The following HTR2C variants were observed in gnomAD, a reference collection of about 807,000 sequenced individuals.
HTR2C encodes 5-hydroxytryptamine receptor 2C, also known as 5-hydroxytryptamine (serotonin) receptor 2C, G protein-coupled.
A neutral mutation model predicts 21.0 loss-of-function variants in HTR2C; 5 were observed. That is an observed-to-expected ratio of 0.24 (90% CI 0.12 to 0.50). The LOEUF (loss-of-function observed/expected upper bound fraction) is 0.50, where lower values mean the gene tolerates loss of function less well. Among genes scored for constraint, HTR2C ranks in the 20% least tolerant of loss-of-function variants. The pLI, the probability that HTR2C is intolerant of heterozygous loss-of-function variation, is 0.98. For synonymous variants in HTR2C, 150 were observed against 145.3 expected (o/e 1.03, Z -0.23); for missense variants, 271 against 371.2 (o/e 0.73, Z 2.22).
At chrX:114,723,471 C>T (rs782638747) in intron 2 of HTR2C, among the ~76,000 whole-genome samples, 210 of 110,866 alleles carry the variant, frequency 1.9e-3, no homozygotes, top group Non-Finnish European at 2.4e-3. Flanking sequence ...AACCAGCTCC[C>T]GGATTCAATA....
chrX:114,652,573 C>T, intron 2 of HTR2C: 1 of 304,964 alleles, frequency 3.3e-6, no homozygotes, highest in East Asian at 1.1e-4. Context: ...TATTATCAAA[C>T]TGAAAATTAT....
chrX:114,693,194 G>A (rs1171058357), intron 2 of HTR2C, among the ~76,000 whole-genome samples: 2 of 111,369 alleles, frequency 1.8e-5, no homozygotes, highest in African/African-American at 6.5e-5. Context: ...GTAAGATAGA[G>A]CAATAAAGGA....
intron 5 of HTR2C, among the ~76,000 whole-genome samples, chrX:114,860,120 A>G (rs2070995129): frequency 9.0e-6 from 1 of 111,639 alleles, no homozygotes; most frequent in Non-Finnish European, 1.9e-5. Context: ...TCAAAAGACT[A>G]TATATATTAT....
intron 2 of HTR2C, among the ~76,000 whole-genome samples, chrX:114,697,828 C>T (rs1317395080): frequency 3.6e-5 from 4 of 112,422 alleles, no homozygotes; most frequent in Non-Finnish European, 7.5e-5. Flanking sequence ...AACCTAGTAG[C>T]TTAAAACAAT....
intron 4 of HTR2C, among the ~76,000 whole-genome samples, chrX:114,800,643 T>A (rs1398003663): frequency 9.0e-6 from 1 of 111,394 alleles, no homozygotes; most frequent in Non-Finnish European, 1.9e-5. Context: ...ATCTCAGACA[T>A]CAGTAGCTGG....
intron 2 of HTR2C, among the ~76,000 whole-genome samples, chrX:114,678,098 A>G (rs782382848): frequency 9.0e-6 from 1 of 111,404 alleles, no homozygotes; most frequent in Admixed American, 9.6e-5. Context: ...GCTTTGAATT[A>G]TTTTTGGACC....
chrX:114,841,450 A>G (rs2070832405), intron 4 of HTR2C, among the ~76,000 whole-genome samples: 1 of 112,401 alleles, frequency 8.9e-6, no homozygotes, highest in South Asian at 3.6e-4. Context: ...GTTAAAAACA[A>G]CTTACTTGCG....
At chrX:114,789,212 T>C (rs28541311) in intron 4 of HTR2C, among the ~76,000 whole-genome samples, 7 of 112,290 alleles carry the variant, frequency 6.2e-5, no homozygotes, top group African/African-American at 2.3e-4. Context: ...ATTACCCTTT[T>C]GTGATAATTT....
intron 4 of HTR2C, among the ~76,000 whole-genome samples, chrX:114,766,862 G>A (rs1556435293): frequency 9.0e-6 from 1 of 111,031 alleles, no homozygotes; most frequent in African/African-American, 3.3e-5. Flanking sequence ...AAGACAAGCT[G>A]CTTACTCAAT....
chrX:114,878,791 A>G (rs2071158319), intron 5 of HTR2C, among the ~76,000 whole-genome samples: 2 of 110,847 alleles, frequency 1.8e-5, no homozygotes, highest in Admixed American at 9.7e-5. Flanking sequence ...GGCTATTTCC[A>G]GAATCTTTTG....
At chrX:114,700,864 C>T (rs927478500) in intron 2 of HTR2C, among the ~76,000 whole-genome samples, 7 of 112,504 alleles carry the variant, frequency 6.2e-5, no homozygotes, top group East Asian at 2.8e-4. Context: ...CCCAATACTG[C>T]GCTTTTCCGA....
At chrX:114,738,254 A>G (rs1294457554) in intron 4 of HTR2C, among the ~76,000 whole-genome samples, 1 of 111,543 alleles carries the variant, frequency 9.0e-6, no homozygotes, top group Non-Finnish European at 1.9e-5. Context: ...TGCATGCTTG[A>G]AATTGTTAAC....
At chrX:114,673,745 TA>T (rs782082548) in intron 2 of HTR2C, among the ~76,000 whole-genome samples, 1 of 111,337 alleles carries the variant, frequency 9.0e-6, no homozygotes, top group African/African-American at 3.3e-5. Context: ...TTTTTAAAAC[TA>T]TTTTTTTTCA....
intron 1 of HTR2C, among the ~76,000 whole-genome samples, chrX:114,602,964 A>G (rs782737984): frequency 0.015 from 1,433 of 92,695 alleles, no homozygotes; most frequent in African/African-American, 0.053. Context: ...GAGAGGTTCT[A>G]AGAGGCGGGC....
At position 114,588,143 on chromosome X, in the gene HTR2C, C is replaced by T. The variant is rs1262926063; in HGVS notation, c.-147+3484C>T. 3.6e-5 allele frequency among the ~76,000 whole-genome samples: 4 copies of T among 112,082 alleles called. No homozygotes were observed. The Admixed American group carries it at 3.8e-4, about 11-fold the overall frequency. ...ATTATAGCATTGTACATATAGCTGGCATTTGAAACAGTCATTCTTCTTAAT... is the reference window on the plus strand; with the variant it reads ...ATTATAGCATTGTACATATAGCTGGTATTTGAAACAGTCATTCTTCTTAAT... On this transcript the variant is annotated intron_variant, in intron 1 of 5. Coordinates refer to ENST00000276198, the MANE Select transcript of HTR2C (RefSeq NM_000868.4).
intron 2 of HTR2C, among the ~76,000 whole-genome samples, chrX:114,708,823 A>G (rs1556418803): frequency 9.1e-5 from 10 of 110,237 alleles, no homozygotes; most frequent in Non-Finnish European, 1.9e-4. Context: ...AAGTTTTATT[A>G]TTATTCAGCT....
chrX:114,728,722 G>C (rs2069507010), intron 3 of HTR2C, among the ~76,000 whole-genome samples: 1 of 111,205 alleles, frequency 9.0e-6, no homozygotes, highest in Non-Finnish European at 1.9e-5. Context: ...GGATAGGCTA[G>C]ATAACTACTT....
Position 114,843,945 on chromosome X carries a change from A to G in HTR2C, c.350-4058A>G, listed in dbSNP as rs782241908. ...AGCAAAAACAAAAACAAAAAATCAGAAGGAGTTAATTACTAGTGGACCTAC... is the reference window on the plus strand; with the variant it reads ...AGCAAAAACAAAAACAAAAAATCAGGAGGAGTTAATTACTAGTGGACCTAC... On this transcript the variant is annotated intron_variant, in intron 4 of 5. Transcript: ENST00000276198. Among the ~76,000 whole-genome samples the G allele has an allele frequency of 2.1e-4, 23 of 110,776 alleles. No individual in the cohort carries two copies. In the South Asian group the frequency reaches 8.6e-3, roughly 42 times the overall value.
chrX:114,675,036 C>T (rs1931504595), intron 2 of HTR2C, among the ~76,000 whole-genome samples: 1 of 112,197 alleles, frequency 8.9e-6, no homozygotes, highest in African/African-American at 3.2e-5. Context: ...GGGCCAGTTG[C>T]TACCTTTTGC....
Sources: allele counts gnomAD v4.1 joint callset (sites outside exome capture counted in the v4.1 genomes callset), GRCh38; gene constraint gnomAD v4.1.1; transcripts MANE v1.5; gene names NCBI Gene and HGNC (gene_info 2026-07-23, HGNC 2026-07-21).